The following CSMD1 variants were observed in gnomAD, a reference collection of about 807,000 sequenced individuals.
The protein encoded by CSMD1 is CUB and Sushi multiple domains 1.
Under a neutral mutation model 417.5 loss-of-function variants are expected in CSMD1, and 213 were observed. The observed-to-expected ratio is 0.51, with a 90% CI of 0.46 to 0.57. CSMD1 has a LOEUF of 0.57. Ranked by LOEUF, CSMD1 falls within the 20% of genes least tolerant of loss-of-function variation. The probability of loss-of-function intolerance (pLI) is 0.00; values close to 1 mark genes in which losing one functional copy is unlikely to be tolerated. For synonymous variants in CSMD1, 2,862 were observed against 1,736.8 expected, an observed-to-expected ratio of 1.65 and a Z score of -16.11; for missense variants, 6,923 against 4,529.7, an observed-to-expected ratio of 1.53 and a Z score of -15.17.
chr8:3,351,980 T>C (rs1370064292), intron 21 of CSMD1, among the ~76,000 whole-genome samples: 1 of 152,148 alleles, frequency 6.6e-6, no homozygotes, highest in African/African-American at 2.4e-5. Context: ...AGGACAGTTT[T>C]GTTTTTGCTT....
intron 1 of CSMD1, among the ~76,000 whole-genome samples, chr8:4,918,063 TTC>T (rs1453571691): frequency 2.7e-5 from 4 of 150,508 alleles, no homozygotes; most frequent in African/African-American, 9.8e-5. Context: ...AAAGTCTTAT[TTC>T]TCTGATTATG....
chr8:4,590,696 C>T (rs1480200191), intron 2 of CSMD1, among the ~76,000 whole-genome samples: 1 of 152,202 alleles, frequency 6.6e-6, no homozygotes, highest in South Asian at 2.1e-4. Flanking sequence ...AAATGAGAAG[C>T]ACTGAATAGA....
intron 10 of CSMD1, among the ~76,000 whole-genome samples, chr8:3,516,911 G>A (rs753984884): frequency 4.4e-4 from 67 of 152,164 alleles, no homozygotes; most frequent in Non-Finnish European, 7.5e-4. Context: ...CTGCAAAATC[G>A]TAGAACCAAC....
intron 2 of CSMD1, among the ~76,000 whole-genome samples, chr8:4,504,382 G>A (rs993181643): frequency 6.6e-6 from 1 of 152,172 alleles, no homozygotes; most frequent in East Asian, 1.9e-4. Flanking sequence ...TGATGAGTAT[G>A]TTCTGGAGAT....
At chr8:3,131,874 T>C (rs1162836639) in intron 41 of CSMD1, among the ~76,000 whole-genome samples, 5 of 152,228 alleles carry the variant, frequency 3.3e-5, no homozygotes, top group African/African-American at 7.2e-5. Context: ...GTTATGTATA[T>C]ATTTACCATC....
intron 3 of CSMD1, among the ~76,000 whole-genome samples, chr8:4,243,380 T>A (rs182657298): frequency 6.6e-6 from 1 of 152,152 alleles, no homozygotes; most frequent in Non-Finnish European, 1.5e-5. Flanking sequence ...AAAAAACAGC[T>A]TGACTTGGAG....
intron 10 of CSMD1, among the ~76,000 whole-genome samples, chr8:3,563,434 T>G (rs1464946610): frequency 4.0e-5 from 4 of 100,376 alleles, no homozygotes; most frequent in Non-Finnish European, 7.9e-5. Context: ...AGGTAACGTA[T>G]TAAAAGGTAA....
At chr8:4,230,393 A>G (rs916596381) in intron 3 of CSMD1, among the ~76,000 whole-genome samples, 6 of 152,328 alleles carry the variant, frequency 3.9e-5, no homozygotes, top group South Asian at 4.1e-4. Flanking sequence ...CAACTAATAA[A>G]TAAATGATCT....
chr8:4,420,948 G>A (rs1339062009), intron 2 of CSMD1, among the ~76,000 whole-genome samples: 1 of 152,026 alleles, frequency 6.6e-6, no homozygotes, highest in East Asian at 1.9e-4. Context: ...TTCTTATCTG[G>A]TACAATTCAC....
chr8:3,564,892 G>C (rs143473127), intron 10 of CSMD1, among the ~76,000 whole-genome samples: 360 of 151,998 alleles, frequency 2.4e-3, no homozygotes, highest in Admixed American at 3.5e-3. Flanking sequence ...CAATGAAATA[G>C]CTGGCACACA....
intron 3 of CSMD1, among the ~76,000 whole-genome samples, chr8:4,081,494 G>A (rs2130814188): frequency 6.6e-6 from 1 of 152,238 alleles, no homozygotes; most frequent in South Asian, 2.1e-4. Flanking sequence ...CTACAGGGAG[G>A]CTCACATGAC....
rs2924894 is a variant in CSMD1 at position 2,937,348 on chromosome 8, G to T, written c.*1237C>A. 6.7e-6 allele frequency: 1 copy of T among 150,088 alleles called. No homozygotes were observed. The highest frequency in any genetic ancestry group is 2.1e-4 in the South Asian group (1 of 4,722). The allele number at this position is 150,088 out of a possible 1,614,324, so 9.3% of individuals were successfully genotyped here. Reference sequence around the variant, plus strand: ...CCTCTAAAAGAACACTTGGTATTTTGATCCTGAACAATTTTCACTGAGTTC... The same window carrying T: ...CCTCTAAAAGAACACTTGGTATTTTTATCCTGAACAATTTTCACTGAGTTC... On this transcript the variant is annotated 3_prime_UTR_variant, in exon 70 of 70. Transcript: ENST00000635120.
intron 25 of CSMD1, among the ~76,000 whole-genome samples, chr8:3,293,409 C>A (rs1330430273): frequency 2.0e-5 from 3 of 152,152 alleles, no homozygotes; most frequent in African/African-American, 7.2e-5. Flanking sequence ...TGGTTAATAT[C>A]CTGCAGAGTG....
At chr8:4,841,917 A>AAC (rs1563561019) in intron 1 of CSMD1, among the ~76,000 whole-genome samples, 16 of 139,670 alleles carry the variant, frequency 1.1e-4, no homozygotes, top group East Asian at 4.3e-4. Flanking sequence ...GTCTCAAAAA[A>AAC]AAAAAAAAAA....
chr8:4,304,706 C>T (rs1205226892), intron 3 of CSMD1, among the ~76,000 whole-genome samples: 1 of 152,068 alleles, frequency 6.6e-6, no homozygotes, highest in Admixed American at 6.6e-5. Flanking sequence ...GATGCCCCTC[C>T]CTACAAGGAG....
At chr8:3,418,437 G>A (rs1203382524) in intron 12 of CSMD1, among the ~76,000 whole-genome samples, 1 of 152,184 alleles carries the variant, frequency 6.6e-6, no homozygotes, top group East Asian at 1.9e-4. Context: ...GGATGTCAGA[G>A]AGCACTTACT....
chr8:4,176,222 A>G (rs1798034012), intron 3 of CSMD1, among the ~76,000 whole-genome samples: 1 of 152,080 alleles, frequency 6.6e-6, no homozygotes, highest in Non-Finnish European at 1.5e-5. Flanking sequence ...TCTGTAGGCT[A>G]TATAGCTTAT....
intron 10 of CSMD1, among the ~76,000 whole-genome samples, chr8:3,495,809 G>C (rs1338350507): frequency 1.3e-5 from 2 of 152,168 alleles, no homozygotes; most frequent in African/African-American, 4.8e-5. Flanking sequence ...AATGGTTTTA[G>C]TTCCTACAGC....
intron 26 of CSMD1, among the ~76,000 whole-genome samples, chr8:3,251,546 G>A (rs966601614): frequency 6.6e-6 from 1 of 152,076 alleles, no homozygotes; most frequent in Non-Finnish European, 1.5e-5. Flanking sequence ...TGGCGATGCG[G>A]GCTCTTTTTT....
Sources: allele counts gnomAD v4.1 joint callset (sites outside exome capture counted in the v4.1 genomes callset), GRCh38; gene constraint gnomAD v4.1.1; transcripts MANE v1.5; gene names NCBI Gene and HGNC (gene_info 2026-07-23, HGNC 2026-07-21).